Variants in NR6A1 observed in about 807,000 individuals in gnomAD.
NR6A1 encodes the protein retinoic acid receptor-related testis-associated receptor.
Under a neutral mutation model 59.1 loss-of-function variants are expected in NR6A1, and 7 were observed. That is an observed-to-expected ratio of 0.12 (90% CI 0.07 to 0.22). The LOEUF is 0.22. Among genes scored for constraint, NR6A1 ranks in the 10% least tolerant of loss-of-function variants. The probability of loss-of-function intolerance (pLI) is 1.00; values close to 1 mark genes in which losing one functional copy is unlikely to be tolerated. For synonymous variants in NR6A1, 243 were observed against 236.1 expected, an observed-to-expected ratio of 1.03 and a Z score of -0.27; for missense variants, 468 against 611.6, an observed-to-expected ratio of 0.77 and a Z score of 2.48.
chr9:124,535,165 C>A (rs1356913642), intron 7 of NR6A1, among the ~76,000 whole-genome samples: 1 of 152,074 alleles, frequency 6.6e-6, no homozygotes, highest in East Asian at 1.9e-4. Flanking sequence ...ACTATAGGCA[C>A]CAAAATGACC....
chr9:124,526,640 C>T, intron 8 of NR6A1, 139 bp downstream of exon 8: 1 of 1,279,332 alleles, frequency 7.8e-7, no homozygotes, highest in South Asian at 1.4e-5. Flanking sequence ...GTGCACAAGT[C>T]TTCCTGGATT....
At chr9:124,752,709 T>C (rs1840540051) in intron 1 of NR6A1, among the ~76,000 whole-genome samples, 1 of 151,982 alleles carries the variant, frequency 6.6e-6, no homozygotes, top group Non-Finnish European at 1.5e-5. Context: ...AAAATTACTA[T>C]ATATTTTACA....
At chr9:124,693,078 A>C (rs773189525) in intron 2 of NR6A1, among the ~76,000 whole-genome samples, 1 of 152,210 alleles carries the variant, frequency 6.6e-6, no homozygotes, top group African/African-American at 2.4e-5. Flanking sequence ...TAGTGCCCAC[A>C]TATCCCCACA....
At chr9:124,539,933 T>C (rs1833390109) in intron 5 of NR6A1, 100 bp downstream of exon 5, 10 of 1,373,258 alleles carry the variant, frequency 7.3e-6, no homozygotes, top group Admixed American at 2.2e-5. Flanking sequence ...GTACAATGGC[T>C]GAGACAGCCT....
At chr9:124,676,833 C>T (rs766775070) in intron 2 of NR6A1, among the ~76,000 whole-genome samples, 1 of 152,120 alleles carries the variant, frequency 6.6e-6, no homozygotes, top group Non-Finnish European at 1.5e-5. Flanking sequence ...TATGGCAAGT[C>T]CTCAGTAAGT....
intron 2 of NR6A1, among the ~76,000 whole-genome samples, chr9:124,600,012 A>C (rs1050988880): frequency 6.6e-6 from 1 of 152,216 alleles, no homozygotes; most frequent in South Asian, 2.1e-4. Context: ...CAGCAAATCT[A>C]GTGGCCACAT....
intron 2 of NR6A1, among the ~76,000 whole-genome samples, chr9:124,677,578 A>G (rs1838002179): frequency 6.6e-6 from 1 of 151,938 alleles, no homozygotes; most frequent in Non-Finnish European, 1.5e-5. Flanking sequence ...TTACCTTTTG[A>G]GATATAATTT....
At chr9:124,746,805 TA>T (rs536979135) in intron 1 of NR6A1, among the ~76,000 whole-genome samples, 130 of 152,278 alleles carry the variant, frequency 8.5e-4, no homozygotes, top group African/African-American at 2.8e-3. Context: ...AATATTTACC[TA>T]GTGTTTTCCA....
intron 7 of NR6A1, among the ~76,000 whole-genome samples, chr9:124,531,741 T>G (rs558975856): frequency 3.3e-5 from 5 of 152,314 alleles, no homozygotes; most frequent in Admixed American, 6.5e-5. Context: ...GCTAAGAAAA[T>G]TGGTGCCCAC....
intron 2 of NR6A1, among the ~76,000 whole-genome samples, chr9:124,731,215 C>G (rs1416142929): frequency 6.6e-6 from 1 of 151,918 alleles, no homozygotes; most frequent in Non-Finnish European, 1.5e-5. Flanking sequence ...ACTAAAAATA[C>G]AAAAATTAGC....
intron 1 of NR6A1, among the ~76,000 whole-genome samples, chr9:124,734,168 A>G (rs1035151404): frequency 6.6e-6 from 1 of 152,186 alleles, no homozygotes; most frequent in Non-Finnish European, 1.5e-5. Context: ...CCCTTGTCTC[A>G]CACACAAGGT....
At chr9:124,544,126 C>T (rs775070182) in intron 3 of NR6A1, among the ~76,000 whole-genome samples, 5 of 152,244 alleles carry the variant, frequency 3.3e-5, no homozygotes, top group Admixed American at 3.3e-4. Flanking sequence ...GATAGCACTG[C>T]TCACTAGTCC....
chr9:124,731,457 G>A (rs1839882378), intron 2 of NR6A1, among the ~76,000 whole-genome samples: 1 of 151,698 alleles, frequency 6.6e-6, no homozygotes, highest in African/African-American at 2.4e-5. Context: ...ACTCATAAGA[G>A]AACAGAAAAC....
intron 2 of NR6A1, chr9:124,598,842 T>C: frequency 1.4e-6 from 1 of 739,760 alleles, no homozygotes; most frequent in Admixed American, 1.9e-5. Flanking sequence ...ATCTCTTTAC[T>C]GCATTCTTCA....
rs557209510 is a variant in NR6A1, at chr9:124,725,767, G to A, written c.142+7541C>T. On this transcript the variant is annotated intron_variant, in intron 2 of 9. Transcript: ENST00000487099. ...AGCCTGGAGAGCATGGCAAAAATTC[G>A]TCTCTAGTCAACTTAAGAGAAAAAT... Among the ~76,000 whole-genome samples, 43 of 152,210 alleles carry A rather than the reference G, an allele frequency of 2.8e-4. 1 individual carries two copies. The South Asian group carries it at 7.9e-3, about 28-fold the overall frequency.
chr9:124,578,790 A>G (rs1834678776), intron 2 of NR6A1, among the ~76,000 whole-genome samples: 2 of 152,248 alleles, frequency 1.3e-5, no homozygotes, highest in Non-Finnish European at 1.5e-5. Flanking sequence ...ATATAGCCCT[A>G]TATCATGAGG....
At chr9:124,555,188 C>T (rs940089828) in intron 2 of NR6A1, among the ~76,000 whole-genome samples, 14 of 152,184 alleles carry the variant, frequency 9.2e-5, no homozygotes, top group African/African-American at 2.9e-4. Flanking sequence ...TCATGGAACT[C>T]ACTGACGAGC....
At position 124,553,549 on chromosome 9, in the gene NR6A1, CTTTTTTTTTTT is replaced by C. The variant is rs780925768; in HGVS notation, c.385+768_385+778del. Among the ~76,000 whole-genome samples the C allele has an allele frequency of 6.2e-3, 292 of 47,318 alleles. 1 individual carries two copies. Among genetic ancestry groups the C allele is most frequent in the Non-Finnish European group, 0.01 (251 of 25,002 alleles). The allele number at this position is 47,318 out of a possible 152,430, so 31.0% of individuals were successfully genotyped here. On this transcript the variant is annotated intron_variant, in intron 3 of 9. Coordinates refer to ENST00000487099, the MANE Select transcript of NR6A1 (RefSeq NM_033334.4). Reference sequence around the variant, plus strand: ...GAAATCACCCTGCTTTTTAGCTTGACTTTTTTTTTTTTTTTTTTTTTTTTTCGTTTTTTTCT... The same window carrying C: ...GAAATCACCCTGCTTTTTAGCTTGACTTTTTTTTTTTTTTCGTTTTTTTCT...
chr9:124,536,516 G>A (rs1359016206), intron 6 of NR6A1, among the ~76,000 whole-genome samples: 4 of 152,040 alleles, frequency 2.6e-5, no homozygotes, highest in African/African-American at 7.2e-5. Context: ...AAAATTAGCC[G>A]GGCGTGGTAG....
Sources: gnomAD v4.1 joint callset for allele counts (sites outside exome capture counted in the v4.1 genomes callset) on GRCh38, gnomAD v4.1.1 for gene constraint, MANE v1.5 for transcripts, NCBI Gene and HGNC (gene_info 2026-07-23, HGNC 2026-07-21) for gene names.